NEBL: variants seen among roughly 807,000 people sequenced by gnomAD.
The protein encoded by NEBL is LIM and SH3 protein 2.
In NEBL, 122 loss-of-function variants were observed where a neutral mutation model predicts 140.2. The observed-to-expected ratio is 0.87, with a 90% CI of 0.75 to 1.01. The LOEUF (loss-of-function observed/expected upper bound fraction) is 1.01, where lower values mean the gene tolerates loss of function less well. Ranked by LOEUF, NEBL falls within the 50% of genes least tolerant of loss-of-function variation. The pLI is 0.00. For missense variants in NEBL, 1,365 were observed against 1,231.3 expected (o/e 1.11, Z -1.62); for synonymous variants, 436 against 398.9 (o/e 1.09, Z -1.11).
intron 4 of NEBL, among the ~76,000 whole-genome samples, chr10:20,933,399 A>G (rs967874197): frequency 2.6e-5 from 4 of 152,150 alleles, no homozygotes; most frequent in African/African-American, 9.7e-5. Flanking sequence ...TATATGACTG[A>G]CTCACTCTCA....
chr10:20,896,542 G>C (rs1272814084), intron 2 of NEBL, among the ~76,000 whole-genome samples: 1 of 125,698 alleles, frequency 8.0e-6, no homozygotes, highest in African/African-American at 3.0e-5. Flanking sequence ...TGGAAGACAA[G>C]TCCATTCATT....
chr10:21,093,445 C>T (rs541611625), intron 2 of NEBL, among the ~76,000 whole-genome samples: 4 of 152,252 alleles, frequency 2.6e-5, no homozygotes, highest in South Asian at 2.1e-4. Context: ...GGGAACCAGA[C>T]GCCCAAAGCC....
intron 3 of NEBL, among the ~76,000 whole-genome samples, chr10:21,186,988 ATGTG>A (rs35359446): frequency 0.081 from 11,448 of 141,818 alleles, 572 homozygotes; most frequent in Middle Eastern, 0.15. Context: ...CCAACTCTGT[ATGTG>A]TGTGTGTGTG....
intron 4 of NEBL, among the ~76,000 whole-genome samples, chr10:20,937,548 T>C (rs558116156): frequency 3.9e-5 from 6 of 152,020 alleles, no homozygotes; most frequent in Non-Finnish European, 7.4e-5. Context: ...CATTTCCAAC[T>C]GGGGGACTGG....
intron 14 of NEBL, among the ~76,000 whole-genome samples, chr10:20,833,220 AG>A (rs1407448945): frequency 6.6e-6 from 1 of 152,196 alleles, no homozygotes; most frequent in African/African-American, 2.4e-5. Context: ...ACCCTAATGC[AG>A]AAGTGTGTTT....
At chr10:21,170,543 ATCATGATACTGAAACC>A (rs1841026277) in intron 2 of NEBL, 1 of 152,358 alleles carries the variant, frequency 6.6e-6, no homozygotes, top group Non-Finnish European at 1.5e-5. Context: ...GAAGCAGGAA[ATCATGATACTGAAACC>A]TCATTTTTGC....
At position 20,980,475 on chromosome 10, in the gene NEBL, G is replaced by A. The variant is rs76252762; in HGVS notation, c.250-18696C>T. Among the ~76,000 whole-genome samples the A allele has an allele frequency of 8.6e-3, 1,312 of 152,274 alleles. 7 individuals carry two copies. Among genetic ancestry groups the A allele is most frequent in the Middle Eastern group, 0.034 (10 of 294 alleles). On this transcript the variant is annotated intron_variant, in intron 3 of 6. Coordinates refer to the NEBL transcript ENST00000417816. Reference sequence around the variant, plus strand: ...AAGAAAGAAAAATAAACAGGCAGATGTACAAACACCTGCAGTGCACATACA... The same window carrying A: ...AAGAAAGAAAAATAAACAGGCAGATATACAAACACCTGCAGTGCACATACA...
intron 6 of NEBL, among the ~76,000 whole-genome samples, chr10:20,869,255 G>A (rs1042691966): frequency 3.3e-5 from 5 of 152,150 alleles, no homozygotes; most frequent in African/African-American, 1.2e-4. Context: ...TCAGCATGTT[G>A]AAGTAAAATG....
chr10:20,887,140 T>C (rs1376935944), intron 4 of NEBL, among the ~76,000 whole-genome samples: 1 of 152,212 alleles, frequency 6.6e-6, no homozygotes, highest in Non-Finnish European at 1.5e-5. Context: ...AAGTCTGTTT[T>C]AGGAAATGCA....
intron 4 of NEBL, among the ~76,000 whole-genome samples, chr10:20,919,427 A>G (rs1681040640): frequency 6.6e-6 from 1 of 152,306 alleles, no homozygotes; most frequent in African/African-American, 2.4e-5. Context: ...TTCTATAATC[A>G]TGGGAATCAT....
Position 21,146,144 on chromosome 10 carries a change from TAAAC to T in NEBL, c.164+26235_164+26238del, listed in dbSNP as rs545719179. Among the ~76,000 whole-genome samples, 261 of 152,324 alleles carry T rather than the reference TAAAC, an allele frequency of 1.7e-3. 2 individuals carry two copies. The South Asian group carries it at 0.033, about 19-fold the overall frequency. ...AAAAGAAAAAGAAACTGTGCATTGT[TAAAC>T]AAAGTACAGAACAGGCCTGCGTCGC... On this transcript the variant is annotated intron_variant, in intron 2 of 6. Coordinates refer to the NEBL transcript ENST00000417816.
At chr10:21,183,734 T>G (rs1841421932) in intron 3 of NEBL, among the ~76,000 whole-genome samples, 1 of 152,146 alleles carries the variant, frequency 6.6e-6, no homozygotes. Context: ...AAGGAGGACA[T>G]AGTTGCAGGG....
chr10:21,166,219 C>CAAAAAAAAAAA (rs1170225891), intron 2 of NEBL, among the ~76,000 whole-genome samples: 33 of 35,390 alleles, frequency 9.3e-4, no homozygotes, highest in Non-Finnish European at 1.4e-3. Flanking sequence ...GACTGTGTCT[C>CAAAAAAAAAAA]AAAAAAAAAA....
chr10:21,101,714 C>T (rs1018776714), intron 2 of NEBL, among the ~76,000 whole-genome samples: 4 of 152,184 alleles, frequency 2.6e-5, no homozygotes, highest in Non-Finnish European at 4.4e-5. Context: ...ACTTCAGAAG[C>T]TCTTCCAGAC....
At position 21,255,906 on chromosome 10, in the gene NEBL, C is replaced by G. The variant is rs571145161; in HGVS notation, n.183-4078G>C. Among the ~76,000 whole-genome samples the G allele has an allele frequency of 1.4e-3, 208 of 150,404 alleles. 1 individual carries two copies. Among genetic ancestry groups the G allele is most frequent in the African/African-American group, 4.8e-3 (195 of 40,920 alleles). ...CTGAGGCAGGAGAATTGCTTGAGCC[C>G]GGGAGGCAAAGGTTGCAGTGAGCTG... is the stretch of plus-strand genomic sequence containing the variant. On this transcript the variant is annotated intron_variant and non_coding_transcript_variant, in intron 1 of 8. Coordinates refer to the NEBL transcript ENST00000675702.
chr10:20,820,581 T>C (rs767076970), intron 19 of NEBL, among the ~76,000 whole-genome samples: 2 of 152,062 alleles, frequency 1.3e-5, no homozygotes, highest in Admixed American at 6.6e-5. Context: ...ATCCTAACAG[T>C]TTGGAAGGCC....
intron 2 of NEBL, among the ~76,000 whole-genome samples, chr10:21,085,807 T>C (rs77325185): frequency 0.024 from 3,576 of 152,130 alleles, 119 homozygotes; most frequent in African/African-American, 0.082. Flanking sequence ...TAGGACCTCA[T>C]GGCAACAGGA....
At chr10:20,953,594 C>T (rs1261605063) in intron 4 of NEBL, among the ~76,000 whole-genome samples, 1 of 146,870 alleles carries the variant, frequency 6.8e-6, no homozygotes, top group African/African-American at 2.5e-5. Flanking sequence ...GAAGTCCTGG[C>T]ATTTGTAATG....
intron 26 of NEBL, among the ~76,000 whole-genome samples, chr10:20,797,773 G>A (rs766442167): frequency 1.3e-5 from 2 of 152,028 alleles, no homozygotes; most frequent in Non-Finnish European, 2.9e-5. Context: ...TAACACACAT[G>A]GGTCAGGTAT....
Sources: gnomAD v4.1 joint callset for allele counts (sites outside exome capture counted in the v4.1 genomes callset) on GRCh38, gnomAD v4.1.1 for gene constraint, MANE v1.5 for transcripts, NCBI Gene and HGNC (gene_info 2026-07-23, HGNC 2026-07-21) for gene names.